SAMD13: variants seen among roughly 807,000 people sequenced by gnomAD.
SAMD13 encodes the protein sterile alpha motif domain-containing protein 13.
SAMD13 carries 9 observed loss-of-function variants against 12.4 expected under a neutral mutation model. That is an observed-to-expected ratio of 0.72 (90% CI 0.44 to 1.26). The LOEUF is 1.26. Among genes scored for constraint, SAMD13 ranks in the 50% most tolerant of loss-of-function variants. SAMD13 has a pLI of 0.00. For synonymous variants in SAMD13, 46 were observed against 45.4 expected, an observed-to-expected ratio of 1.01 and a Z score of -0.05; for missense variants, 84 against 119.6, an observed-to-expected ratio of 0.70 and a Z score of 1.39.
At chr1:84,349,110 G>A (rs963777626) in intron 3 of SAMD13, among the ~76,000 whole-genome samples, 2 of 152,168 alleles carry the variant, frequency 1.3e-5, no homozygotes, top group East Asian at 3.9e-4. Context: ...GGCTTTGGCT[G>A]CAGGTATATG....
chr1:84,333,341 G>T (rs1679230548), intron 3 of SAMD13, among the ~76,000 whole-genome samples: 1 of 152,138 alleles, frequency 6.6e-6, no homozygotes, highest in Admixed American at 6.6e-5. Flanking sequence ...TTATCCAAGA[G>T]CATGGAATGT....
chr1:84,334,482 TG>T (rs1272257906), intron 3 of SAMD13, among the ~76,000 whole-genome samples: 2 of 152,138 alleles, frequency 1.3e-5, no homozygotes, highest in Non-Finnish European at 2.9e-5. Context: ...GGTCTATATA[TG>T]TCATTTATTC....
At chr1:84,340,390 G>A (rs1679397318) in intron 3 of SAMD13, among the ~76,000 whole-genome samples, 1 of 152,172 alleles carries the variant, frequency 6.6e-6, no homozygotes, top group South Asian at 2.1e-4. Context: ...ATACAACATA[G>A]ATTAAAAGTT....
chr1:84,316,557 T>C (rs1678838033), intron 2 of SAMD13, among the ~76,000 whole-genome samples: 1 of 152,184 alleles, frequency 6.6e-6, no homozygotes, highest in African/African-American at 2.4e-5. Flanking sequence ...CTGGGCTCTC[T>C]CTTCTGTTCC....
At chr1:84,330,335 G>A (rs1679152100) in intron 3 of SAMD13, among the ~76,000 whole-genome samples, 1 of 152,174 alleles carries the variant, frequency 6.6e-6, no homozygotes, top group African/African-American at 2.4e-5. Context: ...AACCACTTGA[G>A]ACGCAGTTGA....
chr1:84,327,616 A>G (rs1679085777), intron 3 of SAMD13, among the ~76,000 whole-genome samples: 1 of 152,186 alleles, frequency 6.6e-6, no homozygotes, highest in Non-Finnish European at 1.5e-5. Context: ...CTTCAAAAAG[A>G]AAAGAACTAT....
chr1:84,311,134 G>C (rs1336451344), intron 2 of SAMD13, among the ~76,000 whole-genome samples: 1 of 151,894 alleles, frequency 6.6e-6, no homozygotes, highest in African/African-American at 2.4e-5. Context: ...TCAGGAGTTC[G>C]AGAAAAGCCT....
At chr1:84,319,196 G>A (rs1389117997) in intron 2 of SAMD13, among the ~76,000 whole-genome samples, 1 of 152,194 alleles carries the variant, frequency 6.6e-6, no homozygotes, top group Admixed American at 6.5e-5. Context: ...GCTCAGAGCA[G>A]GGAGGAAAAG....
chr1:84,298,588 C>T (rs925305053), upstream of SAMD13: 2 of 1,285,394 alleles, frequency 1.6e-6, no homozygotes, highest in Non-Finnish European at 2.0e-6. Context: ...TGCCTGTGCG[C>T]CCAGGGCGTG....
chr1:84,302,360 A>T (rs1678470671), intron 1 of SAMD13, among the ~76,000 whole-genome samples: 1 of 149,392 alleles, frequency 6.7e-6, no homozygotes, highest in African/African-American at 2.5e-5. Flanking sequence ...TTTTTTCTTA[A>T]AGCAGTTTTG....
chr1:84,298,577 C>T (rs755849848), upstream of SAMD13: 1 of 1,284,884 alleles, frequency 7.8e-7, no homozygotes, highest in East Asian at 2.9e-5. Context: ...GGTAAGTGAT[C>T]TGCCTGTGCG....
At chr1:84,311,344 A>AT (rs1426456358) in intron 2 of SAMD13, among the ~76,000 whole-genome samples, 1 of 149,012 alleles carries the variant, frequency 6.7e-6, no homozygotes, top group Non-Finnish European at 1.5e-5. Context: ...AAAAAAAAAA[A>AT]AAAAAAGAAA....
intron 2 of SAMD13, among the ~76,000 whole-genome samples, chr1:84,312,354 G>A (rs559500758): frequency 2.6e-5 from 4 of 151,220 alleles, no homozygotes; most frequent in African/African-American, 9.7e-5. Flanking sequence ...TTTATTGTGT[G>A]TTACTAGTTT....
chr1:84,305,518 T>A (rs184520084), intron 2 of SAMD13, among the ~76,000 whole-genome samples: 68 of 152,292 alleles, frequency 4.5e-4, no homozygotes, highest in African/African-American at 1.5e-3. Flanking sequence ...GTCTAGTTTA[T>A]CAATTTTTTT....
intron 3 of SAMD13, 149 bp downstream of exon 3, chr1:84,325,897 A>G (rs1335143361): frequency 4.9e-6 from 3 of 613,206 alleles, no homozygotes; most frequent in South Asian, 3.8e-5. Context: ...GGGAAGGAGA[A>G]TGGATGTACC....
At chr1:84,299,916 A>G (rs888411438), upstream of SAMD13, among the ~76,000 whole-genome samples, 4 of 152,102 alleles carry the variant, frequency 2.6e-5, no homozygotes, top group Non-Finnish European at 4.4e-5. Flanking sequence ...AGATGCTTGG[A>G]AAAACTTCAC....
chr1:84,336,904 G>T (rs1227158680), intron 3 of SAMD13, among the ~76,000 whole-genome samples: 1 of 152,152 alleles, frequency 6.6e-6, no homozygotes, highest in Admixed American at 6.6e-5. Flanking sequence ...TTCCAAATGG[G>T]AGAAATTGGC....
At chr1:84,333,832 T>A (rs529473732) in intron 3 of SAMD13, among the ~76,000 whole-genome samples, 3 of 152,182 alleles carry the variant, frequency 2.0e-5, no homozygotes, top group African/African-American at 7.2e-5. Context: ...GGGTTTTGGG[T>A]CCGTTTATGT....
At chr1:84,330,896 T>C (rs2101809220) in intron 3 of SAMD13, among the ~76,000 whole-genome samples, 1 of 152,306 alleles carries the variant, frequency 6.6e-6, no homozygotes, top group African/African-American at 2.4e-5. Context: ...CATGACAAAA[T>C]AATATGCAAC....
Sources: gnomAD v4.1 joint callset for allele counts (sites outside exome capture counted in the v4.1 genomes callset) on GRCh38, gnomAD v4.1.1 for gene constraint, MANE v1.5 for transcripts, NCBI Gene and HGNC (gene_info 2026-07-23, HGNC 2026-07-21) for gene names.